RBM20: variants seen among roughly 807,000 people sequenced by gnomAD.
RBM20 encodes RNA-binding protein 20.
A neutral mutation model predicts 110.1 loss-of-function variants in RBM20; 51 were observed. The observed-to-expected ratio is 0.46, with a 90% confidence interval of 0.37 to 0.59. RBM20 has a LOEUF of 0.59. Among genes scored for constraint, RBM20 ranks in the 20% least tolerant of loss-of-function variants. RBM20 has a pLI of 0.00. For synonymous variants in RBM20, 589 were observed against 618.2 expected (o/e 0.95, Z 0.70); for missense variants, 1,512 against 1,574.9 (o/e 0.96, Z 0.68).
In RBM20 at chr10:110,821,434, G is replaced by C; in HGVS notation, c.2815G>C (p.Asp939His). 2 of 1,551,772 alleles carry C rather than the reference G, an allele frequency of 1.3e-6. No homozygotes were observed. Among genetic ancestry groups the C allele is most frequent in the Non-Finnish European group, 1.7e-6 (2 of 1,147,016 alleles). Residue 939 changes from aspartate (D) to histidine (H), a missense_variant, in exon 11 of 14, where the codon GAC becomes CAC. This residue lies in a region of RBM20 where 358 missense variants were observed against 384.2 expected (regional missense o/e 0.93). Coordinates refer to ENST00000369519, the MANE Select transcript of RBM20 (RefSeq NM_001134363.3). Reference protein sequence around the residue: ...LEEIVPIDQKDKICPETCLCV... With the variant: ...LEEIVPIDQKHKICPETCLCV... ...AGAAATTGTGCCCATTGACCAGAAA[G>C]ACAAAATTTGCCCAGAAACATGTCT...
intron 1 of RBM20, among the ~76,000 whole-genome samples, chr10:110,711,583 C>T (rs1226062156): frequency 1.3e-5 from 2 of 152,004 alleles, no homozygotes; most frequent in East Asian, 3.9e-4. Flanking sequence ...TAAGGAAGTC[C>T]CCACTAATGG....
In RBM20 at chr10:110,812,516, T is replaced by A. The variant is rs1554842725; in HGVS notation, c.2119T>A (p.Trp707Arg). 1.9e-6 allele frequency: 3 copies of A among 1,551,650 alleles called. No homozygotes were observed. In the Admixed American group the frequency reaches 5.9e-5, roughly 30 times the overall value. The change falls in exon 9 of 14, where the codon TGG becomes AGG. Residue 707 changes from tryptophan (W) to arginine (R), a missense_variant. Trp to Arg is a moderately radical substitution (Grantham distance 101). This residue lies in a region of RBM20 where 1,149 missense variants were observed against 1,169.4 expected (regional missense o/e 0.98). Coordinates refer to ENST00000369519, the MANE Select transcript of RBM20 (RefSeq NM_001134363.3). ...GDDKRDRMDP[W>R]AHDRKHHPRQ... ...TGACAAGAGGGACAGGATGGACCCC[T>A]GGGCACATGATCGCAAACACCACCC...
chr10:110,649,981 C>A (rs1861923450), intron 1 of RBM20, among the ~76,000 whole-genome samples: 1 of 152,170 alleles, frequency 6.6e-6, no homozygotes, highest in South Asian at 2.1e-4. Flanking sequence ...GTTTGCAACA[C>A]CACCACGGGG....
At chr10:110,796,796 G>A (rs887258221) in intron 5 of RBM20, among the ~76,000 whole-genome samples, 2 of 152,084 alleles carry the variant, frequency 1.3e-5, no homozygotes, top group African/African-American at 4.8e-5. Context: ...CCTCCTTCTT[G>A]TCATGGCTAT....
At chr10:110,697,314 C>G (rs1335026106) in intron 1 of RBM20, among the ~76,000 whole-genome samples, 1 of 152,220 alleles carries the variant, frequency 6.6e-6, no homozygotes. Flanking sequence ...TCACTCCTAG[C>G]CAGCTGCACT....
chr10:110,745,221 A>T (rs1564832585), intron 1 of RBM20, among the ~76,000 whole-genome samples: 1 of 152,176 alleles, frequency 6.6e-6, no homozygotes, highest in Non-Finnish European at 1.5e-5. Context: ...TGCTGTAAAG[A>T]CTTTCTAGCC....
At chr10:110,747,302 G>C (rs1040802348) in intron 1 of RBM20, among the ~76,000 whole-genome samples, 2 of 150,604 alleles carry the variant, frequency 1.3e-5, no homozygotes, top group Non-Finnish European at 3.0e-5. Flanking sequence ...TTTTTGGGGG[G>C]GGGGGTCATT....
intron 1 of RBM20, among the ~76,000 whole-genome samples, chr10:110,681,713 A>G (rs1050253960): frequency 6.6e-6 from 1 of 152,222 alleles, no homozygotes; most frequent in Non-Finnish European, 1.5e-5. Flanking sequence ...GAGTTCCTGT[A>G]TGCTTTTTAC....
intron 1 of RBM20, among the ~76,000 whole-genome samples, chr10:110,699,050 A>G (rs1195969506): frequency 6.6e-6 from 1 of 152,184 alleles, no homozygotes; most frequent in African/African-American, 2.4e-5. Flanking sequence ...GCTAATGTAA[A>G]ATATGCTTTG....
intron 1 of RBM20, among the ~76,000 whole-genome samples, chr10:110,646,484 G>A (rs1024354788): frequency 6.6e-6 from 1 of 152,174 alleles, no homozygotes; most frequent in African/African-American, 2.4e-5. Flanking sequence ...ACCTCAAGAA[G>A]CGCCTCATGG....
At chr10:110,741,551 A>G (rs1287773720) in intron 1 of RBM20, among the ~76,000 whole-genome samples, 2 of 152,138 alleles carry the variant, frequency 1.3e-5, no homozygotes, top group East Asian at 3.9e-4. Flanking sequence ...CCTCTACCCC[A>G]TGTCCACTCA....
rs1433992064 is a variant in RBM20 at position 110,752,945 on chromosome 10, A to ATATATATT, written c.192-27855_192-27854insATATATTT. Among the ~76,000 whole-genome samples the ATATATATT allele has an allele frequency of 2.6e-3, 278 of 108,972 alleles. 2 individuals are homozygous for ATATATATT. Among genetic ancestry groups the ATATATATT allele is most frequent in the African/African-American group, 9.6e-3 (256 of 26,614 alleles). 71.5% of individuals were successfully genotyped at this position (108,972 alleles called of 152,430 possible). A position where few individuals can be genotyped will look rare whatever the true frequency, so the allele number is the denominator to read the frequency against. Reference sequence around the variant, plus strand: ...CATATATATATATATATATATATATATTTTTTTTTTTTTTATGAAGTCTCC... The same window carrying ATATATATT: ...CATATATATATATATATATATATATATATATATTTTTTTTTTTTTTTTATGAAGTCTCC... On this transcript the variant is annotated intron_variant, in intron 1 of 13. Transcript: ENST00000369519.
chr10:110,779,104 G>C (rs143656191), intron 1 of RBM20, among the ~76,000 whole-genome samples: 1 of 152,152 alleles, frequency 6.6e-6, no homozygotes, highest in African/African-American at 2.4e-5. Flanking sequence ...CTTTGGAATC[G>C]GATAAATATC....
intron 10 of RBM20, among the ~76,000 whole-genome samples, chr10:110,820,743 A>G (rs1756475761): frequency 6.6e-6 from 1 of 152,230 alleles, no homozygotes; most frequent in Non-Finnish European, 1.5e-5. Context: ...TATCGCTGGC[A>G]GGGAAGCTGA....
intron 7 of RBM20, among the ~76,000 whole-genome samples, chr10:110,805,457 G>A (rs1844682376): frequency 3.3e-5 from 5 of 152,232 alleles, no homozygotes; most frequent in African/African-American, 1.2e-4. Flanking sequence ...GACTCTTGAA[G>A]TGTGTAAAAC....
At chr10:110,771,993 T>C (rs1163885956) in intron 1 of RBM20, among the ~76,000 whole-genome samples, 2 of 152,240 alleles carry the variant, frequency 1.3e-5, no homozygotes, top group African/African-American at 4.8e-5. Context: ...CCAAGAAAAG[T>C]TTCTCAGTTG....
intron 1 of RBM20, among the ~76,000 whole-genome samples, chr10:110,693,921 T>A (rs1387742160): frequency 6.6e-6 from 1 of 152,230 alleles, no homozygotes; most frequent in Non-Finnish European, 1.5e-5. Flanking sequence ...TTTTATATGG[T>A]CCTTAGCCCA....
intron 1 of RBM20, among the ~76,000 whole-genome samples, chr10:110,733,599 G>A (rs1843640853): frequency 6.6e-6 from 1 of 152,242 alleles, no homozygotes; most frequent in South Asian, 2.1e-4. Context: ...AATCAGGGGT[G>A]CATTCTCTTT....
intron 1 of RBM20, among the ~76,000 whole-genome samples, chr10:110,679,960 CT>C (rs1160960386): frequency 6.6e-6 from 1 of 152,218 alleles, no homozygotes; most frequent in African/African-American, 2.4e-5. Context: ...AGTTTCATCC[CT>C]GGACTGACAC....
Sources: gnomAD v4.1 joint callset for allele counts (sites outside exome capture counted in the v4.1 genomes callset) on GRCh38, gnomAD v4.1.1 for gene constraint, gnomAD v4.1.1 regional missense constraint, MANE v1.5 for transcripts, NCBI Gene and HGNC (gene_info 2026-07-23, HGNC 2026-07-21) for gene names.